The following TMEM232 variants were observed in gnomAD, a reference collection of about 807,000 sequenced individuals.
The protein encoded by TMEM232 is transmembrane protein 232.
TMEM232 carries 80 observed loss-of-function variants against 78.8 expected under a neutral mutation model. The observed-to-expected ratio is 1.01, with a 90% CI of 0.85 to 1.22. The LOEUF (loss-of-function observed/expected upper bound fraction) is 1.22, where lower values mean the gene tolerates loss of function less well. Ranked by LOEUF, TMEM232 falls within the 50% of genes most tolerant of loss-of-function variation. TMEM232 has a pLI of 0.00. For synonymous variants in TMEM232, 297 were observed against 254.3 expected (o/e 1.17, Z -1.60); for missense variants, 881 against 742.2 (o/e 1.19, Z -2.17).
At chr5:110,556,378 T>A (rs1775096486) in intron 11 of TMEM232, among the ~76,000 whole-genome samples, 1 of 150,368 alleles carries the variant, frequency 6.7e-6, no homozygotes, top group Non-Finnish European at 1.5e-5. Context: ...CCTTCCTTCC[T>A]TTCTTTCTTT....
chr5:110,572,564 T>C (rs551051408), intron 10 of TMEM232, among the ~76,000 whole-genome samples: 1 of 152,186 alleles, frequency 6.6e-6, no homozygotes, highest in Admixed American at 6.6e-5. Context: ...AGGTCAATAT[T>C]TTATAAAACT....
chr5:110,440,620 T>C (rs1758924575), intron 12 of TMEM232, among the ~76,000 whole-genome samples: 1 of 152,146 alleles, frequency 6.6e-6, no homozygotes, highest in Non-Finnish European at 1.5e-5. Context: ...AAGAAGAGAA[T>C]AGATTCTGAA....
chr5:110,613,858 T>C lies in TMEM232; in HGVS notation c.902+4571A>G, dbSNP rs987503074. 2.6e-5 allele frequency among the ~76,000 whole-genome samples: 4 copies of C among 152,104 alleles called. No individual in the cohort carries two copies. The East Asian group carries it at 7.7e-4, about 29-fold the overall frequency. On this transcript the variant is annotated intron_variant, in intron 8 of 13. Coordinates refer to ENST00000455884, the MANE Select transcript of TMEM232 (RefSeq NM_001039763.4). ...CTCTTGAAACCTATACAGGCCTTTA[T>C]ATAAATAAATATTTTGTAAGGAGAA... is the stretch of plus-strand genomic sequence containing the variant.
At chr5:110,711,125 G>C (rs1056161852) in intron 1 of TMEM232, among the ~76,000 whole-genome samples, 3 of 152,122 alleles carry the variant, frequency 2.0e-5, no homozygotes, top group African/African-American at 7.2e-5. Flanking sequence ...CAACAGTGAA[G>C]AATGTGAAAG....
At chr5:110,512,020 T>C (rs1221011365) in intron 12 of TMEM232, among the ~76,000 whole-genome samples, 1 of 152,070 alleles carries the variant, frequency 6.6e-6, no homozygotes, top group Non-Finnish European at 1.5e-5. Context: ...GTACATGCCT[T>C]CATACATCAT....
At chr5:110,566,714 T>A (rs1317790158) in intron 11 of TMEM232, among the ~76,000 whole-genome samples, 6 of 151,946 alleles carry the variant, frequency 3.9e-5, no homozygotes, top group Non-Finnish European at 8.8e-5. Context: ...CTTTCCCACA[T>A]TTTTCTATCT....
intron 7 of TMEM232, among the ~76,000 whole-genome samples, chr5:110,619,281 T>C (rs1783341786): frequency 6.6e-6 from 1 of 152,204 alleles, no homozygotes; most frequent in South Asian, 2.1e-4. Context: ...AAGGGCTTCA[T>C]AATTCTTATT....
At chr5:110,708,615 T>G (rs1234224474) in intron 1 of TMEM232, among the ~76,000 whole-genome samples, 2 of 152,186 alleles carry the variant, frequency 1.3e-5, no homozygotes, top group African/African-American at 4.8e-5. Context: ...AGTTTTCTTT[T>G]TGTATGTTTA....
chr5:110,556,008 G>A (rs1186270489), intron 11 of TMEM232, among the ~76,000 whole-genome samples: 2 of 152,056 alleles, frequency 1.3e-5, no homozygotes, highest in Non-Finnish European at 2.9e-5. Context: ...GATATATGTG[G>A]ATTTGATCCT....
intron 3 of TMEM232, 88 bp downstream of exon 3, chr5:110,642,172 T>C (rs535487758): frequency 4.4e-4 from 328 of 750,712 alleles, no homozygotes; most frequent in South Asian, 6.5e-4. Context: ...TATATTCTTA[T>C]TTTTTCTTAA....
rs368355592 is a variant in TMEM232 at position 110,611,587 on chromosome 5, C to A, written c.903-5300G>T. Among the ~76,000 whole-genome samples the A allele has an allele frequency of 8.5e-5, 13 of 152,246 alleles. 1 individual carries two copies. In the South Asian group the frequency reaches 2.5e-3, roughly 29 times the overall value. On this transcript the variant is annotated intron_variant, in intron 8 of 13. Transcript: ENST00000455884. ...TGGTAATTAATCCTACCAGCAGAAT[C>A]TTTCAGTCATCATTTTTGTTTTTAT...
At chr5:110,481,480 C>T (rs942129079) in intron 12 of TMEM232, among the ~76,000 whole-genome samples, 1 of 152,040 alleles carries the variant, frequency 6.6e-6, no homozygotes, top group East Asian at 1.9e-4. Flanking sequence ...TCTCCCTCTT[C>T]CCCCTTTTAT....
Position 110,524,110 on chromosome 5 carries a change from A to C in TMEM232, c.1703+4478T>G, listed in dbSNP as rs571140446. ...AAACGCCGTCTCTACTGAAAATACA[A>C]AAATTAGCCAGGCATGGTGGTGCGT... On this transcript the variant is annotated intron_variant, in intron 12 of 13. Transcript: ENST00000455884. 4.3e-3 allele frequency among the ~76,000 whole-genome samples: 648 copies of C among 151,566 alleles called. 4 individuals carry two copies. Among genetic ancestry groups the C allele is most frequent in the African/African-American group, 0.015 (623 of 41,340 alleles).
chr5:110,665,892 A>C (rs1790507650), intron 2 of TMEM232, among the ~76,000 whole-genome samples: 1 of 92,318 alleles, frequency 1.1e-5, no homozygotes, highest in African/African-American at 5.6e-5. Flanking sequence ...CCATCTCCAC[A>C]AAAAAAAAAA....
At chr5:110,697,015 G>A (rs940556426) in intron 1 of TMEM232, among the ~76,000 whole-genome samples, 8 of 152,262 alleles carry the variant, frequency 5.3e-5, no homozygotes, top group Non-Finnish European at 8.8e-5. Context: ...AAAGAACAAA[G>A]CTGGAGGCAT....
chr5:110,715,812 C>T (rs1158015150), intron 1 of TMEM232, among the ~76,000 whole-genome samples: 3 of 152,238 alleles, frequency 2.0e-5, no homozygotes, highest in Non-Finnish European at 1.5e-5. Flanking sequence ...AACATCAACA[C>T]AGACCTTAAG....
intron 7 of TMEM232, among the ~76,000 whole-genome samples, chr5:110,624,485 C>G (rs568580938): frequency 6.6e-6 from 1 of 152,206 alleles, no homozygotes; most frequent in South Asian, 2.1e-4. Flanking sequence ...TGTCTGTTCT[C>G]TTCATGATCA....
At chr5:110,537,614 C>G (rs1429002926) in intron 11 of TMEM232, among the ~76,000 whole-genome samples, 10 of 152,186 alleles carry the variant, frequency 6.6e-5, no homozygotes, top group Admixed American at 6.5e-4. Flanking sequence ...TTGCCAAGTG[C>G]TCTTGAGGCT....
chr5:110,727,434 A>G (rs1224327503), upstream of TMEM232, among the ~76,000 whole-genome samples: 1 of 152,038 alleles, frequency 6.6e-6, no homozygotes, highest in African/African-American at 2.4e-5. Flanking sequence ...ACATGGTGAA[A>G]CCCGTCTCTA....
Sources: allele counts gnomAD v4.1 joint callset (sites outside exome capture counted in the v4.1 genomes callset), GRCh38; gene constraint gnomAD v4.1.1; transcripts MANE v1.5; gene names NCBI Gene and HGNC (gene_info 2026-07-23, HGNC 2026-07-21).